The following PTPN2 variants were observed in gnomAD, a reference collection of about 807,000 sequenced individuals.
PTPN2 encodes tyrosine-protein phosphatase non-receptor type 2.
Under a neutral mutation model 57.3 loss-of-function variants are expected in PTPN2, and 19 were observed. The observed-to-expected ratio is 0.33, with a 90% CI of 0.23 to 0.49. The LOEUF is 0.49. Ranked by LOEUF, PTPN2 falls within the 20% of genes least tolerant of loss-of-function variation. The pLI is 0.99. For missense variants in PTPN2, 358 were observed against 501.1 expected (o/e 0.71, Z 2.73); for synonymous variants, 153 against 164.9 (o/e 0.93, Z 0.55).
intron 7 of PTPN2, among the ~76,000 whole-genome samples, chr18:12,809,799 C>CT (rs1393916870): frequency 6.6e-6 from 1 of 152,222 alleles, no homozygotes; most frequent in Non-Finnish European, 1.5e-5. Context: ...GTATTCAGAT[C>CT]TTTAAAAAAT....
At chr18:12,873,021 G>A (rs28629771) in intron 1 of PTPN2, among the ~76,000 whole-genome samples, 2,315 of 152,264 alleles carry the variant, frequency 0.015, 64 homozygotes, top group African/African-American at 0.053. Flanking sequence ...AGGAGTTCAA[G>A]ACTGGCCCAG....
Position 12,852,834 on chromosome 18 carries a change from G to A in PTPN2, c.160+6330C>T, listed in dbSNP as rs1273973974. 5.3e-5 allele frequency among the ~76,000 whole-genome samples: 8 copies of A among 152,134 alleles called. No homozygotes were observed. The East Asian group carries it at 5.8e-4, about 11-fold the overall frequency. Reference sequence around the variant, plus strand: ...GTTTAAAAATAAACATTTCCAGACCGGCTGAATCCAAATCTAGAAAAGAAA... The same window carrying A: ...GTTTAAAAATAAACATTTCCAGACCAGCTGAATCCAAATCTAGAAAAGAAA... On this transcript the variant is annotated intron_variant, in intron 2 of 8. Coordinates refer to ENST00000309660, the MANE Select transcript of PTPN2 (RefSeq NM_002828.4).
intron 7 of PTPN2, among the ~76,000 whole-genome samples, chr18:12,808,256 T>C (rs1176122402): frequency 6.6e-6 from 1 of 152,046 alleles, no homozygotes; most frequent in Non-Finnish European, 1.5e-5. Flanking sequence ...TTCGAAATAC[T>C]TATATATACT....
chr18:12,843,849 C>A (rs1282284029), intron 2 of PTPN2: 1 of 152,322 alleles, frequency 6.6e-6, no homozygotes, highest in Non-Finnish European at 1.5e-5. Context: ...TTTGTGTGTG[C>A]TCAGTTCTAT....
At chr18:12,808,763 C>T (rs552354853) in intron 7 of PTPN2, among the ~76,000 whole-genome samples, 13 of 152,260 alleles carry the variant, frequency 8.5e-5, no homozygotes, top group African/African-American at 2.9e-4. Context: ...GGCGACAGAG[C>T]GAGACTCCGT....
chr18:12,870,890 GCAAAAATTAAACCGTA>G (rs2044249265), intron 1 of PTPN2, among the ~76,000 whole-genome samples: 1 of 151,784 alleles, frequency 6.6e-6, no homozygotes, highest in Admixed American at 6.6e-5. Context: ...CATGGACTTG[GCAAAAATTAAACCGTA>G]CAAAAGGGTA....
rs917009892 is a variant in PTPN2, at chr18:12,786,201, T to C, written c.1143-357A>G. The C allele has an allele frequency of 3.0e-5, 9 of 297,862 alleles. No homozygotes were observed. In the Admixed American group the frequency reaches 3.2e-4, roughly 10 times the overall value. 18.5% of individuals were successfully genotyped at this position (297,862 alleles called of 1,614,324 possible). On this transcript the variant is annotated intron_variant, in intron 9 of 9. Coordinates refer to the PTPN2 transcript ENST00000327283. ...TTTAAAAATAATGTACCCACAAGAA[T>C]TTAGCAAGACTTTATACTATGTGCT...
chr18:12,790,224 A>C (rs1044333043), downstream of PTPN2, among the ~76,000 whole-genome samples: 2 of 152,148 alleles, frequency 1.3e-5, no homozygotes, highest in African/African-American at 4.8e-5. Flanking sequence ...GTGACCAGCA[A>C]AGATCTCTTT....
intron 1 of PTPN2, among the ~76,000 whole-genome samples, chr18:12,882,425 T>C (rs370601908): frequency 2.6e-4 from 39 of 152,252 alleles, no homozygotes; most frequent in Admixed American, 2.5e-3. Flanking sequence ...ACAATTCTCA[T>C]TGAATTTTCA....
chr18:12,840,745 C>T (rs1227996651), intron 2 of PTPN2: 1 of 1,598,366 alleles, frequency 6.3e-7, no homozygotes, highest in East Asian at 2.2e-5. Flanking sequence ...CCATGTCTCC[C>T]TGATCCATCC....
chr18:12,851,785 GTTTA>G (rs1310523091), intron 2 of PTPN2, among the ~76,000 whole-genome samples: 1 of 152,112 alleles, frequency 6.6e-6, no homozygotes, highest in African/African-American at 2.4e-5. Flanking sequence ...TAAAAAGTAT[GTTTA>G]TTTGAGAATC....
downstream of PTPN2, among the ~76,000 whole-genome samples, chr18:12,790,894 A>G (rs1398398118): frequency 6.6e-6 from 1 of 152,210 alleles, no homozygotes; most frequent in African/African-American, 2.4e-5. Context: ...CTTGGTAGAA[A>G]TATTAAAACA....
chr18:12,808,795 A>T (rs2041787271), intron 7 of PTPN2, among the ~76,000 whole-genome samples: 1 of 152,238 alleles, frequency 6.6e-6, no homozygotes, highest in Non-Finnish European at 1.5e-5. Flanking sequence ...CAACCAACCA[A>T]CAGACAAAAA....
intron 7 of PTPN2, among the ~76,000 whole-genome samples, chr18:12,807,913 G>A (rs1021644671): frequency 6.6e-6 from 1 of 152,040 alleles, no homozygotes; most frequent in South Asian, 2.1e-4. Context: ...ACAGGGTGTG[G>A]TGGCTCATGC....
At chr18:12,822,083 A>T (rs2042288519) in intron 5 of PTPN2, among the ~76,000 whole-genome samples, 1 of 152,220 alleles carries the variant, frequency 6.6e-6, no homozygotes, top group Non-Finnish European at 1.5e-5. Flanking sequence ...GAAGAATCAT[A>T]GCTGTTAGGG....
chr18:12,841,436 CAAG>C (rs908203373), intron 2 of PTPN2, among the ~76,000 whole-genome samples: 21 of 152,274 alleles, frequency 1.4e-4, no homozygotes, highest in African/African-American at 5.1e-4. Flanking sequence ...TGGACTGAAC[CAAG>C]AAGAAGGCAA....
intron 8 of PTPN2, among the ~76,000 whole-genome samples, chr18:12,796,486 C>G (rs1349410229): frequency 6.6e-6 from 1 of 152,188 alleles, no homozygotes; most frequent in African/African-American, 2.4e-5. Flanking sequence ...CAATGTTACA[C>G]TTCTTTGGTG....
intron 4 of PTPN2, among the ~76,000 whole-genome samples, chr18:12,828,273 G>A (rs774713832): frequency 2.6e-5 from 4 of 152,208 alleles, no homozygotes; most frequent in Non-Finnish European, 5.9e-5. Context: ...ACTAGAGAAT[G>A]AGCTTTAGTC....
At chr18:12,789,914 A>G (rs770788539), downstream of PTPN2, among the ~76,000 whole-genome samples, 10 of 151,786 alleles carry the variant, frequency 6.6e-5, no homozygotes, top group Non-Finnish European at 1.2e-4. Context: ...ATTATGAGAG[A>G]CAGAGAGAGA....
Sources: allele counts gnomAD v4.1 joint callset (sites outside exome capture counted in the v4.1 genomes callset), GRCh38; gene constraint gnomAD v4.1.1; transcripts MANE v1.5; gene names NCBI Gene and HGNC (gene_info 2026-07-23, HGNC 2026-07-21).